GSE1: variants seen among roughly 807,000 people sequenced by gnomAD.
GSE1 encodes Gse1 coiled-coil protein, also known as genetic suppressor element 1.
Under a neutral mutation model 112.6 loss-of-function variants are expected in GSE1, and 32 were observed. That is an observed-to-expected ratio of 0.28 (90% confidence interval 0.21 to 0.38). GSE1 has a LOEUF of 0.38. Among genes scored for constraint, GSE1 ranks in the 10% least tolerant of loss-of-function variants. GSE1 has a pLI of 1.00. For missense variants in GSE1, 2,348 were observed against 1,699.2 expected (o/e 1.38, Z -6.71); for synonymous variants, 1,115 against 735.6 (o/e 1.52, Z -8.35).
intron 1 of GSE1, among the ~76,000 whole-genome samples, chr16:85,190,142 C>A (rs1334132150): frequency 6.6e-6 from 1 of 152,178 alleles, no homozygotes; most frequent in Non-Finnish European, 1.5e-5. Flanking sequence ...ATGCATTGAG[C>A]CAGTGGAGGC....
intron 1 of GSE1, among the ~76,000 whole-genome samples, chr16:85,227,895 C>G (rs1411712868): frequency 6.6e-6 from 1 of 152,210 alleles, no homozygotes; most frequent in African/African-American, 2.4e-5. Context: ...CTTCACGGGG[C>G]TCACACTTGA....
chr16:85,421,772 C>G (rs1213518018), intron 2 of GSE1, among the ~76,000 whole-genome samples: 1 of 152,082 alleles, frequency 6.6e-6, no homozygotes, highest in Non-Finnish European at 1.5e-5. Flanking sequence ...GGGCCTCCCA[C>G]CAGGAACCCC....
chr16:85,170,508 T>C, exon 1 of GSE1: 1 of 985,738 alleles, frequency 1.0e-6, no homozygotes, highest in Non-Finnish European at 1.2e-6. Flanking sequence ...ACATCACCAG[T>C]GGGGAAGAGG....
chr16:85,584,016 C>G (rs765871155), intron 1 of GSE1, among the ~76,000 whole-genome samples: 4 of 152,224 alleles, frequency 2.6e-5, no homozygotes, highest in Admixed American at 6.5e-5. Context: ...TCAATTGGCC[C>G]TAATTATGGA....
At chr16:85,657,970 G>C (rs1452797150) in intron 8 of GSE1, among the ~76,000 whole-genome samples, 1 of 152,204 alleles carries the variant, frequency 6.6e-6, no homozygotes, top group Non-Finnish European at 1.5e-5. Context: ...ATCTTCCTCT[G>C]CTTTTGAGCC....
At chr16:85,239,180 C>T (rs533152566) in intron 1 of GSE1, among the ~76,000 whole-genome samples, 144 of 152,294 alleles carry the variant, frequency 9.5e-4, no homozygotes, top group African/African-American at 3.3e-3. Flanking sequence ...GATCCACCCA[C>T]CTCTGCCTCC....
At chr16:85,369,082 G>A (rs1185784414) in intron 2 of GSE1, among the ~76,000 whole-genome samples, 1 of 152,166 alleles carries the variant, frequency 6.6e-6, no homozygotes, top group Non-Finnish European at 1.5e-5. Context: ...TCAGAGCCCT[G>A]ACTCGGATCT....
intron 1 of GSE1, among the ~76,000 whole-genome samples, chr16:85,277,535 A>G (rs988908914): frequency 6.0e-5 from 9 of 150,770 alleles, no homozygotes; most frequent in South Asian, 2.1e-4. Context: ...TTTCTAAAAA[A>G]CTCCGGTGTT....
In GSE1 at chr16:85,373,126, C is replaced by T. The variant is rs973542145; in HGVS notation, c.2464+15483C>T. 6.6e-6 allele frequency among the ~76,000 whole-genome samples: 1 copy of T among 152,248 alleles called. No individual in the cohort carries two copies. Among genetic ancestry groups the T allele is most frequent in the African/African-American group, 2.4e-5 (1 of 41,474 alleles). On this transcript the variant is annotated intron_variant, in intron 2 of 2. Coordinates refer to the GSE1 transcript ENST00000637419. The surrounding 1 kb of genome is among the most constrained non-coding windows in gnomAD (Gnocchi z 5.1). ...GGCCCAGGTCCTCTGCCAGGACAGG[C>T]AGGTGTCAGCAACAGCAGCAGCCAA... is the stretch of plus-strand genomic sequence containing the variant.
intron 1 of GSE1, among the ~76,000 whole-genome samples, chr16:85,556,825 G>T (rs2045248641): frequency 1.4e-5 from 2 of 147,358 alleles, no homozygotes. Flanking sequence ...CGGCGCGAGC[G>T]TGGCTCGCCG....
intron 1 of GSE1, among the ~76,000 whole-genome samples, chr16:85,572,446 AG>A (rs2046041646): frequency 1.5e-5 from 2 of 131,026 alleles, no homozygotes; most frequent in Non-Finnish European, 3.3e-5. Context: ...TACAACACAC[AG>A]CACATACCAC....
chr16:85,316,845 C>T (rs1440148824), intron 1 of GSE1, among the ~76,000 whole-genome samples: 1 of 152,192 alleles, frequency 6.6e-6, no homozygotes, highest in Non-Finnish European at 1.5e-5. Flanking sequence ...TCAGGGAACC[C>T]CGCCCGGCGT....
chr16:85,621,134 C>T (rs1377135226), intron 1 of GSE1, among the ~76,000 whole-genome samples: 2 of 134,322 alleles, frequency 1.5e-5, no homozygotes, highest in Non-Finnish European at 3.2e-5. Context: ...GGTCTCTGCC[C>T]TGTTGGGGAA....
intron 1 of GSE1, among the ~76,000 whole-genome samples, chr16:85,586,386 C>G (rs1018527424): frequency 5.9e-5 from 9 of 152,138 alleles, no homozygotes; most frequent in African/African-American, 2.2e-4. Flanking sequence ...TCCCGAGTGC[C>G]GAGTGCCGGG....
chr16:85,331,365 G>GTATA lies in GSE1; in HGVS notation c.2284-26094_2284-26091dup, dbSNP rs1169859492. ...TGTGTGTGTGTGTGTGTGTGTGTGT[G>GTATA]TATATATGTATATATATGTATATAT... is the stretch of plus-strand genomic sequence containing the variant. On this transcript the variant is annotated intron_variant, in intron 1 of 2. Transcript: ENST00000637419. 5.9e-5 allele frequency among the ~76,000 whole-genome samples: 6 copies of GTATA among 101,130 alleles called. 1 individual carries two copies. Among genetic ancestry groups the GTATA allele is most frequent in the Non-Finnish European group, 1.3e-4 (6 of 46,628 alleles). 66.3% of individuals were successfully genotyped at this position (101,130 alleles called of 152,430 possible).
At chr16:85,586,960 T>C (rs2151413972) in intron 1 of GSE1, among the ~76,000 whole-genome samples, 1 of 152,354 alleles carries the variant, frequency 6.6e-6, no homozygotes, top group Non-Finnish European at 1.5e-5. Flanking sequence ...GCTGTTTTGA[T>C]TGCACTACCA....
At chr16:85,519,559 T>TTTC (rs1567555809) in intron 2 of GSE1, among the ~76,000 whole-genome samples, 2 of 9,276 alleles carry the variant, frequency 2.2e-4, no homozygotes, top group East Asian at 4.7e-3. Flanking sequence ...CCACCATCAC[T>TTTC]ATCATCATCA....
At chr16:85,394,447 G>C (rs1245990217) in intron 2 of GSE1, among the ~76,000 whole-genome samples, 2 of 152,180 alleles carry the variant, frequency 1.3e-5, no homozygotes, top group Admixed American at 6.5e-5. Context: ...GGACGGTTGG[G>C]CTTTGAGGGT....
chr16:85,671,380 C>CA lies in GSE1; in HGVS notation c.3519+283dup, dbSNP rs370862270. ...GCGTGAACCCGGGAGGCGGAGCTTG[C>CA]AGTGAGCCGAGATTGCGCCACTGCA... On this transcript the variant is annotated intron_variant, in intron 15 of 15. Transcript: ENST00000253458. Among the ~76,000 whole-genome samples, 384 of 139,910 alleles carry CA rather than the reference C, an allele frequency of 2.7e-3. 3 individuals carry two copies. The highest frequency in any genetic ancestry group is 9.7e-3 in the African/African-American group (357 of 36,964). The allele number at this position is 139,910 out of a possible 152,430, so 91.8% of individuals were successfully genotyped here.
Sources: gnomAD v4.1 joint callset for allele counts (sites outside exome capture counted in the v4.1 genomes callset) on GRCh38, gnomAD v4.1.1 for gene constraint, Gnocchi (gnomAD v3.1) non-coding constraint, MANE v1.5 for transcripts, NCBI Gene and HGNC (gene_info 2026-07-23, HGNC 2026-07-21) for gene names.